Variants in MICAL3 observed in about 807,000 individuals in gnomAD.
MICAL3 encodes the protein [F-actin]-monooxygenase MICAL3.
A neutral mutation model predicts 207.4 loss-of-function variants in MICAL3; 62 were observed. The observed-to-expected ratio is 0.30, with a 90% CI of 0.24 to 0.37. The LOEUF is 0.37. Ranked by LOEUF, MICAL3 falls within the 10% of genes least tolerant of loss-of-function variation. The probability of loss-of-function intolerance (pLI) is 1.00; values close to 1 mark genes in which losing one functional copy is unlikely to be tolerated. For synonymous variants in MICAL3, 1,077 were observed against 1,069.3 expected, an observed-to-expected ratio of 1.01 and a Z score of -0.14; for missense variants, 2,368 against 2,635.6, an observed-to-expected ratio of 0.90 and a Z score of 2.22.
chr22:17,832,271 C>T lies in MICAL3; in HGVS notation c.2802-164G>A, dbSNP rs1047969586. 4.6e-5 allele frequency among the ~76,000 whole-genome samples: 7 copies of T among 152,320 alleles called. No homozygotes were observed. The South Asian group carries it at 1.0e-3, about 23-fold the overall frequency. On this transcript the variant is annotated intron_variant, in intron 20 of 31. Transcript: ENST00000441493. ...AGAGCGGCATCAGCAGGACAGGGTA[C>T]CTGGGCATGAGAAGCCACCTACCCA...
chr22:17,983,433 GAC>G (rs1936017495), intron 1 of MICAL3: 4 of 139,458 alleles, frequency 2.9e-5, no homozygotes, highest in Middle Eastern at 3.6e-3. Flanking sequence ...TTATCCTCAT[GAC>G]AGAACCCTGT....
intron 1 of MICAL3, among the ~76,000 whole-genome samples, chr22:17,992,912 T>C (rs1233082214): frequency 6.6e-6 from 1 of 152,202 alleles, no homozygotes; most frequent in Non-Finnish European, 1.5e-5. Flanking sequence ...ACCTGAAGAC[T>C]AGAAATGATG....
At chr22:17,901,555 A>G (rs189865274) in intron 5 of MICAL3, among the ~76,000 whole-genome samples, 1 of 152,344 alleles carries the variant, frequency 6.6e-6, no homozygotes, top group Admixed American at 6.5e-5. Flanking sequence ...CTGTAGTCCC[A>G]GCTACTCAGG....
intron 1 of MICAL3, among the ~76,000 whole-genome samples, chr22:17,992,791 G>T (rs1403921611): frequency 6.6e-6 from 1 of 152,088 alleles, no homozygotes; most frequent in Non-Finnish European, 1.5e-5. Context: ...TTTGCTCCCT[G>T]AACATTTATC....
chr22:17,822,986 C>A lies in MICAL3; in HGVS notation c.3268G>T (p.Asp1090Tyr). 6.2e-7 allele frequency: 1 copy of A among 1,613,896 alleles called. No homozygotes were observed. Among genetic ancestry groups the A allele is most frequent in the Non-Finnish European group, 8.5e-7 (1 of 1,179,812 alleles). Residue 1090 changes from aspartate to tyrosine, a missense_variant, in exon 23 of 32, where the codon GAT becomes TAT. By Grantham distance (160) the Asp-to-Tyr change is radical. Transcript: ENST00000441493. ...GCACCAGTGTCCCCTGGGTCCCCAT[C>A]CTCTGCTGCCTCCCCTTCTATCTCG... Reference protein sequence around the residue: ...PAEIEGEAAEDGDPGDTGAEL... With the variant: ...PAEIEGEAAEYGDPGDTGAEL...
intron 1 of MICAL3, among the ~76,000 whole-genome samples, chr22:17,979,022 A>T (rs1282118152): frequency 6.6e-6 from 1 of 151,502 alleles, no homozygotes; most frequent in African/African-American, 2.4e-5. Context: ...CAAAAAATAC[A>T]AAACTTAGCT....
chr22:17,862,653 G>T, intron 19 of MICAL3: 1 of 985,194 alleles, frequency 1.0e-6, no homozygotes, highest in Non-Finnish European at 1.2e-6. Context: ...TCTATCAAAG[G>T]AGAAAAGGGT....
chr22:17,941,546 G>A (rs1342001355), intron 1 of MICAL3, among the ~76,000 whole-genome samples: 2 of 152,242 alleles, frequency 1.3e-5, no homozygotes, highest in Non-Finnish European at 2.9e-5. Context: ...AACAGGTTGA[G>A]CTTCAAATGC....
At chr22:17,833,389 C>T (rs935396856) in intron 20 of MICAL3, among the ~76,000 whole-genome samples, 1 of 152,222 alleles carries the variant, frequency 6.6e-6, no homozygotes, top group Non-Finnish European at 1.5e-5. Context: ...ATCCAAGAAG[C>T]ATCAGGCACG....
intron 29 of MICAL3, chr22:17,803,961 G>T: frequency 2.0e-6 from 1 of 489,254 alleles, no homozygotes; most frequent in Non-Finnish European, 2.7e-6. Context: ...TCAATGATAT[G>T]GAGCGCAAGA....
intron 10 of MICAL3, among the ~76,000 whole-genome samples, chr22:17,894,530 A>G (rs1304990780): frequency 1.3e-5 from 2 of 152,114 alleles, no homozygotes; most frequent in Non-Finnish European, 2.9e-5. Context: ...AACTTCAAGT[A>G]GAAGGTGAAC....
At chr22:18,007,536 T>C (rs1198793442) in intron 1 of MICAL3, among the ~76,000 whole-genome samples, 1 of 150,842 alleles carries the variant, frequency 6.6e-6, no homozygotes, top group African/African-American at 2.4e-5. Context: ...GCTCAAGTGA[T>C]CCTCCCACAT....
intron 28 of MICAL3, among the ~76,000 whole-genome samples, chr22:17,810,090 T>G: frequency 2.3e-5 from 3 of 130,858 alleles, no homozygotes; most frequent in Non-Finnish European, 4.7e-5. Flanking sequence ...TGAGACAGAG[T>G]CTCTCTGTGT....
intron 1 of MICAL3, among the ~76,000 whole-genome samples, chr22:18,018,934 A>G (rs577661597): frequency 6.6e-6 from 1 of 152,092 alleles, no homozygotes; most frequent in African/African-American, 2.4e-5. Flanking sequence ...GCTCACGCCT[A>G]TAATACCAGT....
intron 24 of MICAL3, 121 bp downstream of exon 24, chr22:17,821,909 C>T: frequency 7.8e-7 from 1 of 1,287,602 alleles, no homozygotes; most frequent in Non-Finnish European, 1.1e-6. Flanking sequence ...CTGCCCACAC[C>T]TCGGAGGCTG....
At chr22:17,992,259 A>C (rs1921766394) in intron 1 of MICAL3, among the ~76,000 whole-genome samples, 1 of 152,204 alleles carries the variant, frequency 6.6e-6, no homozygotes, top group Non-Finnish European at 1.5e-5. Context: ...GGTCCTCAGG[A>C]AGGAGTTGCA....
intron 13 of MICAL3, 132 bp downstream of exon 13, chr22:17,888,902 C>T (rs1050746518): frequency 3.4e-6 from 2 of 593,596 alleles, no homozygotes; most frequent in Non-Finnish European, 5.9e-6. Context: ...ATTTCCCTGA[C>T]AGCTAACTGG....
intron 19 of MICAL3, chr22:17,864,410 G>A (rs1215777442): frequency 2.2e-6 from 3 of 1,379,260 alleles, no homozygotes; most frequent in African/African-American, 2.9e-5. Context: ...TTAAGTGAAG[G>A]TGAACCCAAA....
At chr22:17,933,284 G>C (rs1394032709) in intron 1 of MICAL3, among the ~76,000 whole-genome samples, 2 of 152,214 alleles carry the variant, frequency 1.3e-5, no homozygotes, top group African/African-American at 4.8e-5. Context: ...TCAGACAACA[G>C]TGCAATCAAA....
Sources: allele counts gnomAD v4.1 joint callset (sites outside exome capture counted in the v4.1 genomes callset), GRCh38; gene constraint gnomAD v4.1.1; transcripts MANE v1.5; gene names NCBI Gene and HGNC (gene_info 2026-07-23, HGNC 2026-07-21).